CAMKMT: variants seen among roughly 807,000 people sequenced by gnomAD.
CAMKMT encodes CaM KMT.
CAMKMT carries 53 observed loss-of-function variants against 48.0 expected under a neutral mutation model. The observed-to-expected ratio is 1.10, with a 90% CI of 0.89 to 1.39. The LOEUF is 1.39. Ranked by LOEUF, CAMKMT falls within the 40% of genes most tolerant of loss-of-function variation. CAMKMT has a pLI of 0.00. For missense variants in CAMKMT, 428 were observed against 402.7 expected, an observed-to-expected ratio of 1.06 and a Z score of -0.54; for synonymous variants, 165 against 152.3, an observed-to-expected ratio of 1.08 and a Z score of -0.61.
intron 7 of CAMKMT, among the ~76,000 whole-genome samples, chr2:44,738,616 C>T (rs1044015207): frequency 2.0e-5 from 3 of 152,172 alleles, no homozygotes; most frequent in Admixed American, 2.0e-4. Flanking sequence ...CTATTCTAGA[C>T]ATTGGAAATA....
chr2:44,445,675 TTTTTTTTTTTTTTTTTTTA>T (rs1666951168), intron 3 of CAMKMT, among the ~76,000 whole-genome samples: 1 of 42,672 alleles, frequency 2.3e-5, no homozygotes, highest in Non-Finnish European at 5.8e-5. Context: ...TTTTTTTTTT[TTTTTTTTTTTTTTTTTTTA>T]CCAGTTGGGC....
chr2:44,409,886 G>C (rs528967089), intron 3 of CAMKMT, among the ~76,000 whole-genome samples: 333 of 152,176 alleles, frequency 2.2e-3, no homozygotes, highest in Non-Finnish European at 3.8e-3. Flanking sequence ...TAGACAATCT[G>C]TTAGGTCCTG....
intron 3 of CAMKMT, among the ~76,000 whole-genome samples, chr2:44,561,078 C>G (rs1668297754): frequency 6.6e-6 from 1 of 152,120 alleles, no homozygotes; most frequent in African/African-American, 2.4e-5. Context: ...TTGTAACATT[C>G]TTGTTTGTCT....
chr2:44,663,591 C>T (rs545135864), intron 3 of CAMKMT, among the ~76,000 whole-genome samples: 1 of 152,324 alleles, frequency 6.6e-6, no homozygotes, highest in African/African-American at 2.4e-5. Context: ...CCTTTCTTCT[C>T]CTTCCTGCAG....
chr2:44,634,814 C>G (rs576361859), intron 3 of CAMKMT, among the ~76,000 whole-genome samples: 2 of 60,658 alleles, frequency 3.3e-5, no homozygotes, highest in Admixed American at 1.8e-4. Context: ...AAAAAAAAAG[C>G]ATTCTAGTCA....
At chr2:44,753,383 G>A (rs1680234823) in intron 8 of CAMKMT, among the ~76,000 whole-genome samples, 1 of 147,298 alleles carries the variant, frequency 6.8e-6, no homozygotes, top group Non-Finnish European at 1.5e-5. Flanking sequence ...CTGGATGACA[G>A]TGCAAAATCC....
chr2:44,691,342 C>G (rs1465692852), intron 3 of CAMKMT, among the ~76,000 whole-genome samples: 3 of 152,226 alleles, frequency 2.0e-5, no homozygotes, highest in Non-Finnish European at 4.4e-5. Context: ...ACCAGGGCCT[C>G]GGGGAACGTT....
intron 3 of CAMKMT, among the ~76,000 whole-genome samples, chr2:44,552,558 C>T (rs2103656958): frequency 6.6e-6 from 1 of 152,286 alleles, no homozygotes; most frequent in East Asian, 1.9e-4. Flanking sequence ...GGTGTGAGGT[C>T]TGAGGCAACC....
chr2:44,505,814 C>T (rs1670228789), intron 3 of CAMKMT, among the ~76,000 whole-genome samples: 1 of 151,976 alleles, frequency 6.6e-6, no homozygotes, highest in South Asian at 2.1e-4. Context: ...GTTCCTGTTA[C>T]ATTAAGGAGA....
chr2:44,423,566 C>T (rs1053416441), intron 3 of CAMKMT, among the ~76,000 whole-genome samples: 2 of 152,154 alleles, frequency 1.3e-5, no homozygotes, highest in African/African-American at 4.8e-5. Flanking sequence ...GAGATGCCAT[C>T]TTATAAATAA....
At chr2:44,497,830 C>T (rs1669829059) in intron 3 of CAMKMT, among the ~76,000 whole-genome samples, 1 of 151,466 alleles carries the variant, frequency 6.6e-6, no homozygotes, top group African/African-American at 2.4e-5. Context: ...CCTGACATAG[C>T]AAGCAATTCA....
At chr2:44,714,135 G>A (rs1309688382) in intron 6 of CAMKMT, among the ~76,000 whole-genome samples, 1 of 152,158 alleles carries the variant, frequency 6.6e-6, no homozygotes, top group African/African-American at 2.4e-5. Flanking sequence ...CAGGAATAGA[G>A]GTCAGTAGAG....
At position 44,480,663 on chromosome 2, in the gene CAMKMT, A is replaced by C. The variant is rs926046132; in HGVS notation, c.376+90358A>C. Among the ~76,000 whole-genome samples the C allele has an allele frequency of 6.4e-4, 98 of 152,272 alleles. 1 individual carries two copies. The highest frequency in any genetic ancestry group is 2.3e-3 in the African/African-American group (97 of 41,564). On this transcript the variant is annotated intron_variant, in intron 3 of 10. Coordinates refer to ENST00000378494, the MANE Select transcript of CAMKMT (RefSeq NM_024766.5). ...CTAGATTCTTTTTATTTATCATTTG[A>C]GATAACAAAGTAAACTAATGGCAAT...
At chr2:44,563,928 A>T (rs559780553) in intron 3 of CAMKMT, among the ~76,000 whole-genome samples, 1 of 152,212 alleles carries the variant, frequency 6.6e-6, no homozygotes, top group Non-Finnish European at 1.5e-5. Flanking sequence ...TAGTGCCGCA[A>T]TGAACATACA....
chr2:44,378,143 T>G (rs1402463842), intron 2 of CAMKMT, among the ~76,000 whole-genome samples: 1 of 152,240 alleles, frequency 6.6e-6, no homozygotes, highest in Non-Finnish European at 1.5e-5. Context: ...CTTTAAAATA[T>G]GATCCGTAGT....
At chr2:44,404,716 T>TGC (rs1343457081) in intron 3 of CAMKMT, among the ~76,000 whole-genome samples, 1 of 152,116 alleles carries the variant, frequency 6.6e-6, no homozygotes, top group African/African-American at 2.4e-5. Flanking sequence ...TATACCTGTG[T>TGC]GCCTGTCTCG....
At chr2:44,735,658 T>C (rs1317266400) in intron 7 of CAMKMT, among the ~76,000 whole-genome samples, 1 of 151,966 alleles carries the variant, frequency 6.6e-6, no homozygotes, top group Non-Finnish European at 1.5e-5. Flanking sequence ...TCCCAGCACT[T>C]TGGGAGGCCA....
chr2:44,721,867 G>T (rs374360392), intron 7 of CAMKMT, among the ~76,000 whole-genome samples: 25 of 142,146 alleles, frequency 1.8e-4, no homozygotes, highest in East Asian at 1.7e-3. Flanking sequence ...GGAGGGGAGG[G>T]AAGGGGAGGC....
At chr2:44,755,940 T>TG (rs980339097) in intron 9 of CAMKMT, among the ~76,000 whole-genome samples, 10 of 152,186 alleles carry the variant, frequency 6.6e-5, no homozygotes, top group South Asian at 4.2e-4. Context: ...AGAATGGCAG[T>TG]GGGGGGGCCT....
Sources: gnomAD v4.1 joint callset for allele counts (sites outside exome capture counted in the v4.1 genomes callset) on GRCh38, gnomAD v4.1.1 for gene constraint, MANE v1.5 for transcripts, NCBI Gene and HGNC (gene_info 2026-07-23, HGNC 2026-07-21) for gene names.